Variants in LCOR observed in about 807,000 individuals in gnomAD.
LCOR encodes the protein ligand dependent nuclear receptor corepressor.
LCOR carries 14 observed loss-of-function variants against 64.4 expected under a neutral mutation model. The ratio of observed to expected loss-of-function variants is 0.22; its 90% CI spans 0.14 to 0.34. The LOEUF (loss-of-function observed/expected upper bound fraction) is 0.34, where lower values mean the gene tolerates loss of function less well. Ranked by LOEUF, LCOR falls within the 10% of genes least tolerant of loss-of-function variation. The pLI, the probability that LCOR is intolerant of heterozygous loss-of-function variation, is 1.00. For missense variants in LCOR, 1,686 were observed against 1,765.3 expected, an observed-to-expected ratio of 0.96 and a Z score of 0.80; for synonymous variants, 643 against 642.5, an observed-to-expected ratio of 1.00 and a Z score of -0.01.
At chr10:96,842,935 G>C (rs1426641745) in intron 2 of LCOR, among the ~76,000 whole-genome samples, 2 of 152,070 alleles carry the variant, frequency 1.3e-5, no homozygotes, top group African/African-American at 4.8e-5. Flanking sequence ...CCCGCCCCTA[G>C]TTTATACAAA....
At chr10:96,893,444 G>A (rs2134435568) in intron 2 of LCOR, among the ~76,000 whole-genome samples, 2 of 152,196 alleles carry the variant, frequency 1.3e-5, no homozygotes, top group South Asian at 4.2e-4. Context: ...TTATAGCCAA[G>A]GAAAGTGAGG....
At chr10:96,950,708 T>C (rs1031765087) in intron 6 of LCOR, among the ~76,000 whole-genome samples, 14 of 152,188 alleles carry the variant, frequency 9.2e-5, no homozygotes, top group African/African-American at 3.4e-4. Context: ...GTAAAAAAAT[T>C]TTAAATTATA....
intron 4 of LCOR, among the ~76,000 whole-genome samples, chr10:96,924,049 T>C (rs1847125643): frequency 6.6e-6 from 1 of 152,204 alleles, no homozygotes. Flanking sequence ...CATATGCTGC[T>C]TTTATTCTCT....
chr10:96,869,838 G>A (rs1294078048), intron 2 of LCOR, among the ~76,000 whole-genome samples: 1 of 152,158 alleles, frequency 6.6e-6, no homozygotes, highest in Non-Finnish European at 1.5e-5. Flanking sequence ...GCCTCCCAGA[G>A]TGCTGGGATT....
chr10:96,973,829 C>T (rs1196016434), intron 7 of LCOR, among the ~76,000 whole-genome samples: 7 of 152,186 alleles, frequency 4.6e-5, no homozygotes, highest in Non-Finnish European at 8.8e-5. Flanking sequence ...TGCCTTTGCT[C>T]ATCAAGCAGT....
chr10:96,861,597 G>A (rs1383514707), intron 2 of LCOR, among the ~76,000 whole-genome samples: 1 of 151,934 alleles, frequency 6.6e-6, no homozygotes, highest in Admixed American at 6.6e-5. Flanking sequence ...CCAGGCTGGA[G>A]TTCAGTGGCA....
In LCOR at chr10:96,877,353, T is replaced by C. The variant is rs55947141; in HGVS notation, c.-329-29912T>C. ...AGACTGGGCAACATGGTGAAAACCC[T>C]ATCTCTACAAAACATTCAAAAATTA... is the stretch of plus-strand genomic sequence containing the variant. On this transcript the variant is annotated intron_variant, in intron 2 of 7. Coordinates refer to ENST00000421806, the MANE Select transcript of LCOR (RefSeq NM_001346516.2). Among the ~76,000 whole-genome samples, 26 of 152,060 alleles carry C rather than the reference T, an allele frequency of 1.7e-4. No homozygotes were observed. The South Asian group carries it at 5.2e-3, about 30-fold the overall frequency.
chr10:96,981,245 C>T lies in LCOR; in HGVS notation c.785C>T (p.Ser262Leu). The change falls in exon 8 of 8, where the codon TCA (serine) becomes TTA (leucine). Residue 262 changes from serine (S) to leucine (L), a missense_variant. Physicochemically the swap from Ser to Leu is moderately radical, Grantham distance 145. Transcript: ENST00000421806. Reference sequence around the variant, plus strand: ...AAATCGAATTCTATTAATAGCAGTTCAGTGGATAGTTTCACTCCGGGATAC... The same window carrying T: ...AAATCGAATTCTATTAATAGCAGTTTAGTGGATAGTTTCACTCCGGGATAC... ...TTKSNSINSSSVDSFTPGYLT... is the reference protein window; with the variant it reads ...TTKSNSINSSLVDSFTPGYLT... 1.1e-6 allele frequency: 1 copy of T among 916,418 alleles called. No individual in the cohort carries two copies. Among genetic ancestry groups the T allele is most frequent in the East Asian group, 2.6e-5 (1 of 38,622 alleles). The allele number at this position is 916,418 out of a possible 1,614,324, so 56.8% of individuals were successfully genotyped here.
At chr10:96,950,723 C>T (rs1440150056) in intron 6 of LCOR, among the ~76,000 whole-genome samples, 1 of 151,958 alleles carries the variant, frequency 6.6e-6, no homozygotes, top group African/African-American at 2.4e-5. Context: ...ATTATATTTC[C>T]TTAATGAATG....
chr10:96,978,719 G>A (rs1044545446), intron 7 of LCOR, among the ~76,000 whole-genome samples: 1 of 152,228 alleles, frequency 6.6e-6, no homozygotes, highest in African/African-American at 2.4e-5. Flanking sequence ...TGGTAAAGCA[G>A]TTTAGGTTAA....
chr10:96,946,644 C>G (rs1402990297), intron 5 of LCOR, among the ~76,000 whole-genome samples: 1 of 151,956 alleles, frequency 6.6e-6, no homozygotes, highest in Non-Finnish European at 1.5e-5. Context: ...TTAAGTATGT[C>G]AAAGAATGAA....
At chr10:96,835,851 G>A (rs1845432875) in intron 2 of LCOR, among the ~76,000 whole-genome samples, 1 of 152,188 alleles carries the variant, frequency 6.6e-6, no homozygotes, top group African/African-American at 2.4e-5. Flanking sequence ...ATTGGAGTTA[G>A]TCCTGGGTTC....
rs1169880750 is a variant in LCOR, at chr10:96,972,465, G to A, written c.333-8328G>A. ...AGAGAGCAAATGGAGGCATTGACCT[G>A]CTGTGCTTAATGACCCTTGCTCTGA... is the stretch of plus-strand genomic sequence containing the variant. On this transcript the variant is annotated intron_variant, in intron 7 of 7. Transcript: ENST00000421806. Among the ~76,000 whole-genome samples, 13 of 152,202 alleles carry A rather than the reference G, an allele frequency of 8.5e-5. 3 individuals are homozygous for A. The highest frequency in any genetic ancestry group is 8.5e-4 in the Admixed American group (13 of 15,298).
chr10:96,891,482 C>CTTTT (rs745839487), intron 2 of LCOR, among the ~76,000 whole-genome samples: 1 of 28,490 alleles, frequency 3.5e-5, no homozygotes, highest in Non-Finnish European at 6.8e-5. Context: ...TTTTCTGACT[C>CTTTT]TTTTTTTTTT....
At chr10:96,956,110 A>C (rs138319281) in intron 7 of LCOR, 2 of 1,414,476 alleles carry the variant, frequency 1.4e-6, no homozygotes, top group Non-Finnish European at 1.8e-6. Context: ...TTTCATGTGC[A>C]GTATGGCTCG....
rs144843218 is a variant in LCOR, at chr10:96,842,684, G to A, written c.-330+9205G>A. Among the ~76,000 whole-genome samples the A allele has an allele frequency of 5.7e-3, 839 of 147,252 alleles. 2 individuals are homozygous for A. Among genetic ancestry groups the A allele is most frequent in the African/African-American group, 0.02 (790 of 39,768 alleles). On this transcript the variant is annotated intron_variant, in intron 2 of 7. Transcript: ENST00000421806. ...CTGGCTCCGTCACCCAGGCTGGAGT[G>A]CAGTGGTGTGATCTCGGCTCACTGC...
intron 4 of LCOR, among the ~76,000 whole-genome samples, chr10:96,917,966 G>C (rs1277499118): frequency 6.6e-6 from 1 of 152,132 alleles, no homozygotes; most frequent in Non-Finnish European, 1.5e-5. Flanking sequence ...AGCATTTTGA[G>C]GTGAGAGTGA....
intron 2 of LCOR, among the ~76,000 whole-genome samples, chr10:96,845,057 G>A (rs1386007817): frequency 2.0e-5 from 3 of 152,110 alleles, no homozygotes; most frequent in African/African-American, 7.2e-5. Flanking sequence ...GACAGAAAAG[G>A]AAGTTGCTGA....
At chr10:96,907,447 A>G (rs1221977194) in intron 3 of LCOR, 117 bp downstream of exon 3, 2 of 232,554 alleles carry the variant, frequency 8.6e-6, no homozygotes, top group Non-Finnish European at 1.4e-5. Flanking sequence ...AGCTATATTC[A>G]TGTAAGCATC....
Sources: allele counts gnomAD v4.1 joint callset (sites outside exome capture counted in the v4.1 genomes callset), GRCh38; gene constraint gnomAD v4.1.1; transcripts MANE v1.5; gene names NCBI Gene and HGNC (gene_info 2026-07-23, HGNC 2026-07-21).